RORA: variants seen among roughly 807,000 people sequenced by gnomAD.
RORA encodes nuclear receptor ROR-alpha.
In RORA, 7 loss-of-function variants were observed where a neutral mutation model predicts 69.5. That is an observed-to-expected ratio of 0.10 (90% CI 0.06 to 0.19). RORA has a LOEUF of 0.19. RORA is among the 10% of genes least tolerant of loss of function. The probability of loss-of-function intolerance (pLI) is 1.00; values close to 1 mark genes in which losing one functional copy is unlikely to be tolerated. For missense variants in RORA, 457 were observed against 663.0 expected (o/e 0.69, Z 3.41); for synonymous variants, 261 against 240.8 (o/e 1.08, Z -0.78).
chr15:60,700,136 C>T (rs1404877388), intron 1 of RORA, among the ~76,000 whole-genome samples: 2 of 152,152 alleles, frequency 1.3e-5, no homozygotes, highest in Non-Finnish European at 2.9e-5. Flanking sequence ...TCTGAAAAAA[C>T]TGGAGCATGG....
At chr15:60,637,361 ATCT>A (rs752753760) in intron 2 of RORA, among the ~76,000 whole-genome samples, 1 of 151,740 alleles carries the variant, frequency 6.6e-6, no homozygotes, top group African/African-American at 2.4e-5. Flanking sequence ...GAAAAAATAC[ATCT>A]TCTTATCAGT....
chr15:60,702,633 A>G (rs534937691), intron 1 of RORA, among the ~76,000 whole-genome samples: 7 of 152,338 alleles, frequency 4.6e-5, no homozygotes, highest in Admixed American at 3.3e-4. Context: ...CATCACTTAT[A>G]AGCCAGTATT....
intron 1 of RORA, among the ~76,000 whole-genome samples, chr15:60,734,742 T>C (rs941840280): frequency 2.0e-5 from 3 of 152,234 alleles, no homozygotes; most frequent in African/African-American, 4.8e-5. Flanking sequence ...CAGTATACTC[T>C]TCCAAAAGAC....
chr15:60,745,713 A>G (rs1273808349), intron 1 of RORA, among the ~76,000 whole-genome samples: 11 of 152,210 alleles, frequency 7.2e-5, no homozygotes, highest in Admixed American at 7.2e-4. Context: ...GCCTGTAGAC[A>G]TGGCGACATT....
intron 1 of RORA, among the ~76,000 whole-genome samples, chr15:61,069,481 G>C (rs2078309545): frequency 6.6e-6 from 1 of 152,144 alleles, no homozygotes; most frequent in African/African-American, 2.4e-5. Context: ...TAAAGGCATA[G>C]GATGCAGCGT....
Position 60,500,950 on chromosome 15 carries a change from T to A in RORA, c.1294+9A>T. 6.9e-7 allele frequency: 1 copy of A among 1,447,384 alleles called. No individual in the cohort carries two copies. Among genetic ancestry groups the A allele is most frequent in the Non-Finnish European group, 9.6e-7 (1 of 1,040,074 alleles). The allele number at this position is 1,447,384 out of a possible 1,614,324, so 89.7% of individuals were successfully genotyped here. ...GAAAACCATTTTTATTTTTATTTGG[T>A]TGTCTTACCTGCTGACATCAGTACA... is the stretch of plus-strand genomic sequence containing the variant. On this transcript the variant is annotated intron_variant, in intron 9 of 10. Transcript: ENST00000335670.
At chr15:60,875,051 C>G (rs1286946346) in intron 1 of RORA, among the ~76,000 whole-genome samples, 4 of 152,072 alleles carry the variant, frequency 2.6e-5, no homozygotes, top group Non-Finnish European at 4.4e-5. Context: ...AACAAAAACA[C>G]TGAGACTCAG....
chr15:60,926,224 A>G (rs1892214847), intron 1 of RORA, among the ~76,000 whole-genome samples: 1 of 152,212 alleles, frequency 6.6e-6, no homozygotes, highest in Non-Finnish European at 1.5e-5. Flanking sequence ...GAAAGCCAAA[A>G]GTCCCTCAAT....
At chr15:61,173,699 AG>A (rs2079604462) in intron 1 of RORA, among the ~76,000 whole-genome samples, 2 of 152,312 alleles carry the variant, frequency 1.3e-5, no homozygotes, top group East Asian at 3.9e-4. Flanking sequence ...TCTGCCACCC[AG>A]GCTGGAGTGC....
At chr15:60,570,758 G>A (rs2067856521) in intron 2 of RORA, among the ~76,000 whole-genome samples, 1 of 152,130 alleles carries the variant, frequency 6.6e-6, no homozygotes, top group Non-Finnish European at 1.5e-5. Context: ...CAATTAGAGG[G>A]TCACAGTACA....
chr15:60,552,406 C>T (rs952371523), intron 2 of RORA, among the ~76,000 whole-genome samples: 4 of 152,204 alleles, frequency 2.6e-5, no homozygotes, highest in Non-Finnish European at 4.4e-5. Context: ...ATTCATTCTA[C>T]AAAGCCTTTA....
chr15:60,544,813 C>T (rs2067018055), intron 2 of RORA: 1 of 152,100 alleles, frequency 6.6e-6, no homozygotes, highest in Non-Finnish European at 1.5e-5. Flanking sequence ...AGAACAAAAC[C>T]TTTTCCATCA....
At chr15:60,999,203 G>A (rs967049973) in intron 1 of RORA, among the ~76,000 whole-genome samples, 4 of 152,168 alleles carry the variant, frequency 2.6e-5, no homozygotes, top group African/African-American at 9.7e-5. Flanking sequence ...TTGAGGAAGA[G>A]GTTGCTGAGC....
intron 1 of RORA, among the ~76,000 whole-genome samples, chr15:61,151,470 CAT>C (rs1270444234): frequency 6.6e-6 from 1 of 152,154 alleles, no homozygotes; most frequent in Non-Finnish European, 1.5e-5. Context: ...ATTATTAAGT[CAT>C]AATTTTTGGG....
chr15:60,983,679 C>G (rs1328054455), intron 1 of RORA, among the ~76,000 whole-genome samples: 2 of 152,302 alleles, frequency 1.3e-5, no homozygotes, highest in East Asian at 3.9e-4. Flanking sequence ...AACCAATTGC[C>G]AGTCAGAAAA....
chr15:60,978,229 G>A (rs1893934309), intron 1 of RORA, among the ~76,000 whole-genome samples: 2 of 152,150 alleles, frequency 1.3e-5, no homozygotes, highest in East Asian at 1.9e-4. Flanking sequence ...ACCTTACTGT[G>A]GTTTTGATTT....
intron 1 of RORA, chr15:60,848,682 C>A: frequency 6.5e-6 from 1 of 154,116 alleles, no homozygotes; most frequent in South Asian, 1.9e-4. Context: ...AACTTACGAT[C>A]ATGGCAAAAG....
chr15:61,020,485 C>A (rs1895471942), intron 1 of RORA, among the ~76,000 whole-genome samples: 1 of 152,212 alleles, frequency 6.6e-6, no homozygotes, highest in African/African-American at 2.4e-5. Context: ...ATATTCACAT[C>A]TCTAAAATGT....
rs2065149427 is a variant in RORA at position 60,495,666 on chromosome 15, T to C, written c.*1789A>G. ...CAGACATAAAGGGCTGCATGGAAAC[T>C]CCTACCTTAACACCCATCGGAGATG... On this transcript the variant is annotated 3_prime_UTR_variant, in exon 11 of 11. Transcript: ENST00000335670. 1 of 152,200 alleles carries C rather than the reference T, an allele frequency of 6.6e-6. No homozygotes were observed. The highest frequency in any genetic ancestry group is 1.5e-5 in the Non-Finnish European group (1 of 68,036). The allele number at this position is 152,200 out of a possible 1,614,324, so 9.4% of individuals were successfully genotyped here.
Sources: allele counts gnomAD v4.1 joint callset (sites outside exome capture counted in the v4.1 genomes callset), GRCh38; gene constraint gnomAD v4.1.1; transcripts MANE v1.5; gene names NCBI Gene and HGNC (gene_info 2026-07-23, HGNC 2026-07-21).